HPSE2: variants seen among roughly 807,000 people sequenced by gnomAD.
The protein encoded by HPSE2 is heparanase 2 (inactive).
HPSE2 carries 38 observed loss-of-function variants against 60.5 expected under a neutral mutation model. The observed-to-expected ratio is 0.63, with a 90% CI of 0.48 to 0.82. The LOEUF (loss-of-function observed/expected upper bound fraction) is 0.82. Among genes scored for constraint, HPSE2 ranks in the 40% least tolerant of loss-of-function variants. The pLI, the probability that HPSE2 is intolerant of heterozygous loss-of-function variation, is 0.00. For missense variants in HPSE2, 713 were observed against 740.4 expected (o/e 0.96, Z 0.43); for synonymous variants, 295 against 293.2 (o/e 1.01, Z -0.06).
chr10:99,152,235 T>C (rs183031633), intron 2 of HPSE2, among the ~76,000 whole-genome samples: 1 of 145,938 alleles, frequency 6.9e-6, no homozygotes, highest in African/African-American at 2.6e-5. Context: ...GGTGTGAACC[T>C]GGGAGGCAGA....
intron 3 of HPSE2, among the ~76,000 whole-genome samples, chr10:98,809,099 T>C (rs1951107406): frequency 6.6e-6 from 1 of 152,100 alleles, no homozygotes; most frequent in Non-Finnish European, 1.5e-5. Context: ...ATTGACTCAC[T>C]CCAGTACTCT....
In HPSE2 at chr10:98,620,819, G is replaced by T. The variant is rs570649838; in HGVS notation, c.1099-111C>A. On this transcript the variant is annotated intron_variant, in intron 7 of 11. Coordinates refer to ENST00000370552, the MANE Select transcript of HPSE2 (RefSeq NM_021828.5). ...GTTGATCTGATTTCCTGTTTTCAGG[G>T]GGTCATGATTTGTGCTTTCTTATGA... The T allele has an allele frequency of 6.4e-5, 52 of 808,606 alleles. No homozygotes were observed. The South Asian group carries it at 6.8e-4, about 11-fold the overall frequency. 50.1% of individuals were successfully genotyped at this position (808,606 alleles called of 1,614,324 possible). A position where few individuals can be genotyped will look rare whatever the true frequency, so the allele number is the denominator to read the frequency against.
At chr10:98,568,099 T>C (rs1944397620) in intron 9 of HPSE2, among the ~76,000 whole-genome samples, 1 of 152,096 alleles carries the variant, frequency 6.6e-6, no homozygotes, top group Non-Finnish European at 1.5e-5. Flanking sequence ...TTATCAGACT[T>C]AGGTAGCAGA....
rs1845451064 is a variant in HPSE2 at position 99,132,212 on chromosome 10, AGAGAGAGAG to A, written c.610+12017_610+12025del. Among the ~76,000 whole-genome samples the A allele has an allele frequency of 4.3e-4, 11 of 25,568 alleles. 2 individuals carry two copies. The highest frequency in any genetic ancestry group is 6.9e-4 in the African/African-American group (11 of 16,016). 16.8% of individuals were successfully genotyped at this position (25,568 alleles called of 152,430 possible). ...AAGAAAGAGAGAGAGAGAGAGAGAG[AGAGAGAGAG>A]AGAGAGAGAGAGAGAGAGAGAGAAA... On this transcript the variant is annotated intron_variant, in intron 3 of 11. Coordinates refer to ENST00000370552, the MANE Select transcript of HPSE2 (RefSeq NM_021828.5).
chr10:98,795,067 AGAAG>A (rs1343913542), intron 3 of HPSE2, among the ~76,000 whole-genome samples: 1 of 27,542 alleles, frequency 3.6e-5, no homozygotes, highest in African/African-American at 1.3e-4. Flanking sequence ...AAGGAAGGAA[AGAAG>A]GAAGGAAGGA....
the HPSE2 span, among the ~76,000 whole-genome samples, chr10:99,268,338 GAACCT>G: frequency 1.3e-5 from 2 of 152,044 alleles, no homozygotes; most frequent in Non-Finnish European, 2.9e-5. Flanking sequence ...AACCAAAACA[GAACCT>G]CCTTAAAGCA....
In HPSE2 at chr10:99,094,390, T is replaced by C. The variant is rs540813387; in HGVS notation, c.610+49848A>G. Among the ~76,000 whole-genome samples, 185 of 150,938 alleles carry C rather than the reference T, an allele frequency of 1.2e-3. 1 individual carries two copies. The South Asian group carries it at 0.036, about 30-fold the overall frequency. ...TTCTTTATTTCAAAGTAAAAGTATGTGTATACACACATATACATTTCTATA... is the reference window on the plus strand; with the variant it reads ...TTCTTTATTTCAAAGTAAAAGTATGCGTATACACACATATACATTTCTATA... On this transcript the variant is annotated intron_variant, in intron 3 of 11. Transcript: ENST00000370552.
At chr10:99,115,050 T>C (rs1276211843) in intron 3 of HPSE2, among the ~76,000 whole-genome samples, 2 of 151,644 alleles carry the variant, frequency 1.3e-5, no homozygotes, top group Non-Finnish European at 1.5e-5. Flanking sequence ...GGCAGGAACA[T>C]AGTTGGCCGT....
intron 9 of HPSE2, among the ~76,000 whole-genome samples, chr10:98,556,983 G>A (rs1944026753): frequency 6.6e-6 from 1 of 152,092 alleles, no homozygotes; most frequent in South Asian, 2.1e-4. Context: ...GGCTGAGGGG[G>A]CGTGGATCTC....
chr10:98,947,149 C>A (rs981151356), intron 3 of HPSE2, among the ~76,000 whole-genome samples: 1 of 151,944 alleles, frequency 6.6e-6, no homozygotes, highest in African/African-American at 2.4e-5. Flanking sequence ...ATAAATGAAC[C>A]AAGAATAAGG....
chr10:99,133,699 C>T (rs1845535394), intron 3 of HPSE2, among the ~76,000 whole-genome samples: 1 of 152,048 alleles, frequency 6.6e-6, no homozygotes, highest in Non-Finnish European at 1.5e-5. Flanking sequence ...CACATCCACT[C>T]AAAGACCCCA....
intron 3 of HPSE2, among the ~76,000 whole-genome samples, chr10:98,884,347 C>A (rs1953106522): frequency 6.6e-6 from 1 of 152,146 alleles, no homozygotes; most frequent in Admixed American, 6.6e-5. Flanking sequence ...GGTGGCTACA[C>A]TGAACAACAG....
the HPSE2 span, among the ~76,000 whole-genome samples, chr10:99,305,459 C>T: frequency 8.5e-5 from 13 of 152,266 alleles, no homozygotes; most frequent in Non-Finnish European, 1.6e-4. Flanking sequence ...TTAAGGTGTT[C>T]AGATCCCCAT....
chr10:98,566,544 A>G (rs187075879), intron 9 of HPSE2, among the ~76,000 whole-genome samples: 1 of 152,330 alleles, frequency 6.6e-6, no homozygotes, highest in East Asian at 1.9e-4. Flanking sequence ...AGGGACACAG[A>G]AGCAACCATG....
chr10:98,499,152 C>A (rs993146568), intron 9 of HPSE2, among the ~76,000 whole-genome samples: 1 of 152,162 alleles, frequency 6.6e-6, no homozygotes, highest in Non-Finnish European at 1.5e-5. Flanking sequence ...GCACAAAAAT[C>A]ACCTGGGAAA....
chr10:99,181,108 GAC>G (rs1361080145), intron 2 of HPSE2, among the ~76,000 whole-genome samples: 1 of 151,898 alleles, frequency 6.6e-6, no homozygotes, highest in East Asian at 1.9e-4. Context: ...CTACTATAAA[GAC>G]ACACGCGGCC....
intron 9 of HPSE2, among the ~76,000 whole-genome samples, chr10:98,527,381 A>C: frequency 6.6e-6 from 1 of 152,136 alleles, no homozygotes; most frequent in East Asian, 1.9e-4. Context: ...GCCCCTGCTC[A>C]GCTCTCCAAC....
At chr10:98,631,111 G>T (rs1158970883) in intron 7 of HPSE2, among the ~76,000 whole-genome samples, 1 of 152,032 alleles carries the variant, frequency 6.6e-6, no homozygotes, top group Admixed American at 6.6e-5. Context: ...TTATCATTGT[G>T]TTCTGGAGTG....
chr10:98,656,326 CCACTT>C (rs1947062303), intron 6 of HPSE2, among the ~76,000 whole-genome samples: 1 of 152,176 alleles, frequency 6.6e-6, no homozygotes, highest in Non-Finnish European at 1.5e-5. Flanking sequence ...ACCTCGTGAT[CCACTT>C]GCCTCAGCCT....
Sources: allele counts gnomAD v4.1 joint callset (sites outside exome capture counted in the v4.1 genomes callset), GRCh38; gene constraint gnomAD v4.1.1; transcripts MANE v1.5; gene names NCBI Gene and HGNC (gene_info 2026-07-23, HGNC 2026-07-21).